Variants in FANCI observed in about 807,000 individuals in gnomAD.
The protein encoded by FANCI is Fanconi anemia group I protein.
FANCI carries 156 observed loss-of-function variants against 176.1 expected under a neutral mutation model. That is an observed-to-expected ratio of 0.89 (90% CI 0.78 to 1.01). The LOEUF is 1.01. FANCI is among the 50% of genes least tolerant of loss of function. The probability of loss-of-function intolerance (pLI) is 0.00; values close to 1 mark genes in which losing one functional copy is unlikely to be tolerated. For missense variants in FANCI, 1,678 were observed against 1,534.1 expected, an observed-to-expected ratio of 1.09 and a Z score of -1.57; for synonymous variants, 613 against 541.7, an observed-to-expected ratio of 1.13 and a Z score of -1.83.
intron 9 of FANCI, among the ~76,000 whole-genome samples, chr15:89,266,846 CT>C (rs940928487): frequency 5.9e-4 from 85 of 145,128 alleles, no homozygotes; most frequent in Admixed American, 7.6e-4. Flanking sequence ...AATTAGCTCA[CT>C]TTTTTTTTTT....
intron 1 of FANCI, chr15:89,245,316 G>A (rs1449301241): frequency 7.0e-6 from 1 of 143,394 alleles, no homozygotes; most frequent in Non-Finnish European, 1.5e-5. Context: ...CTACAGGTGC[G>A]TGCCGTCACG....
intron 17 of FANCI, among the ~76,000 whole-genome samples, chr15:89,283,770 T>G (rs2053709749): frequency 6.6e-6 from 1 of 151,782 alleles, no homozygotes; most frequent in South Asian, 2.1e-4. Context: ...TTTTTTTTTT[T>G]TTGAGACGGA....
At chr15:89,316,374 G>A in intron 37 of FANCI, 23 bp from the exon 38 acceptor site, 1 of 1,605,604 alleles carries the variant, frequency 6.2e-7, no homozygotes, top group South Asian at 1.1e-5. Context: ...TCACGTTAGA[G>A]CATTAATTCT....
intron 17 of FANCI, among the ~76,000 whole-genome samples, chr15:89,283,801 G>A (rs1030402203): frequency 2.0e-5 from 3 of 149,700 alleles, no homozygotes; most frequent in Non-Finnish European, 4.4e-5. Flanking sequence ...CACCCAGGCT[G>A]GAGTGCAGTG....
At chr15:89,287,130 T>A (rs2053851103) in intron 18 of FANCI, among the ~76,000 whole-genome samples, 1 of 152,082 alleles carries the variant, frequency 6.6e-6, no homozygotes, top group South Asian at 2.1e-4. Context: ...CACGCCACCA[T>A]ACCCAGCTAA....
intron 26 of FANCI, among the ~76,000 whole-genome samples, chr15:89,300,796 G>A (rs1331051751): frequency 2.6e-5 from 4 of 152,198 alleles, no homozygotes; most frequent in African/African-American, 4.8e-5. Context: ...TATCACAGGA[G>A]TTTTTTATTT....
chr15:89,252,500 G>A (rs2052301771), intron 2 of FANCI, among the ~76,000 whole-genome samples: 1 of 152,154 alleles, frequency 6.6e-6, no homozygotes, highest in African/African-American at 2.4e-5. Flanking sequence ...AGCACTTTGG[G>A]AGGCCAAGGC....
rs1596264878 is a variant in FANCI at position 89,271,581 on chromosome 15, C to G, written c.883-1796C>G. Among the ~76,000 whole-genome samples, 4 of 152,288 alleles carry G rather than the reference C, an allele frequency of 2.6e-5. 1 individual carries two copies. Among genetic ancestry groups the G allele is most frequent in the Admixed American group, 2.6e-4 (4 of 15,292 alleles). On this transcript the variant is annotated intron_variant, in intron 10 of 37. Transcript: ENST00000310775. ...TATCATGATCATGGCTCACTGCACC[C>G]TCAAACTCCTGGCCTCAAGTGATCC... is the stretch of plus-strand genomic sequence containing the variant.
intron 18 of FANCI, among the ~76,000 whole-genome samples, chr15:89,286,539 A>G (rs1205123233): frequency 6.6e-6 from 1 of 152,184 alleles, no homozygotes. Context: ...ATGAGCAGTA[A>G]TATTTTGAGA....
At chr15:89,283,885 C>T (rs1271169990) in intron 17 of FANCI, among the ~76,000 whole-genome samples, 1 of 151,856 alleles carries the variant, frequency 6.6e-6, no homozygotes, top group African/African-American at 2.4e-5. Context: ...GCCTCAGCCT[C>T]CCGAGTAGCT....
At chr15:89,269,955 T>C (rs966473723) in intron 10 of FANCI, among the ~76,000 whole-genome samples, 4 of 152,046 alleles carry the variant, frequency 2.6e-5, no homozygotes, top group African/African-American at 7.2e-5. Context: ...GGACTACAAG[T>C]GCGTGCCACC....
At chr15:89,295,165 C>T (rs531515882) in intron 24 of FANCI, 71 bp downstream of exon 24, 2 of 1,475,834 alleles carry the variant, frequency 1.4e-6, no homozygotes, top group African/African-American at 1.4e-5. Context: ...AAACTGGGAA[C>T]AGAGGATGAA....
chr15:89,277,335 G>T (rs919161180), intron 13 of FANCI, among the ~76,000 whole-genome samples: 10 of 152,146 alleles, frequency 6.6e-5, no homozygotes, highest in African/African-American at 2.4e-4. Flanking sequence ...ATCATGCTTG[G>T]TCGGGCATGG....
At chr15:89,270,318 A>G (rs990822545) in intron 10 of FANCI, among the ~76,000 whole-genome samples, 2 of 152,172 alleles carry the variant, frequency 1.3e-5, no homozygotes, top group African/African-American at 4.8e-5. Context: ...TAAGAAAATG[A>G]CCATTGATTT....
intron 4 of FANCI, among the ~76,000 whole-genome samples, chr15:89,261,155 C>T (rs2052696419): frequency 6.6e-6 from 1 of 152,086 alleles, no homozygotes; most frequent in South Asian, 2.1e-4. Flanking sequence ...TCAGTGGTCA[C>T]AGCTACTTGG....
intron 23 of FANCI, among the ~76,000 whole-genome samples, chr15:89,294,200 G>T (rs1006194538): frequency 5.3e-5 from 8 of 152,220 alleles, no homozygotes; most frequent in Admixed American, 6.5e-5. Flanking sequence ...ATGAGAAACA[G>T]TGGGCCAATA....
At position 89,267,267 on chromosome 15, in the gene FANCI, C is replaced by G. The variant is rs146463127; in HGVS notation, c.756-1132C>G. Among the ~76,000 whole-genome samples, 390 of 150,096 alleles carry G rather than the reference C, an allele frequency of 2.6e-3. 4 individuals carry two copies. Among genetic ancestry groups the G allele is most frequent in the African/African-American group, 9.3e-3 (379 of 40,726 alleles). On this transcript the variant is annotated intron_variant, in intron 9 of 37. Transcript: ENST00000310775. ...CTCAGGAGGCGGAGGTTGCAGTGAG[C>G]TGAGATTGCACCTTTGCATTCCATC...
At position 89,300,403 on chromosome 15, in the gene FANCI, G is replaced by A; in HGVS notation, c.2889+18G>A. 3 of 1,609,560 alleles carry A rather than the reference G, an allele frequency of 1.9e-6. No homozygotes were observed. Among genetic ancestry groups the A allele is most frequent in the Non-Finnish European group, 2.6e-6 (3 of 1,176,054 alleles). Reference sequence around the variant, plus strand: ...AATTTCAGGTGAGAAGCCTTGCAAAGCTGCTGTACTGGCCTGAGAGGCTTT... The same window carrying A: ...AATTTCAGGTGAGAAGCCTTGCAAAACTGCTGTACTGGCCTGAGAGGCTTT... On this transcript the variant is annotated intron_variant, in intron 26 of 37. Coordinates refer to ENST00000310775, the MANE Select transcript of FANCI (RefSeq NM_001113378.2).
chr15:89,287,774 C>T (rs2053877798), intron 18 of FANCI, among the ~76,000 whole-genome samples: 1 of 152,108 alleles, frequency 6.6e-6, no homozygotes, highest in Admixed American at 6.5e-5. Context: ...AATAGGGAGG[C>T]CTGAGGAGAG....
Sources: gnomAD v4.1 joint callset for allele counts (sites outside exome capture counted in the v4.1 genomes callset) on GRCh38, gnomAD v4.1.1 for gene constraint, MANE v1.5 for transcripts, NCBI Gene and HGNC (gene_info 2026-07-23, HGNC 2026-07-21) for gene names.